Variants in SEPTIN9 observed in about 807,000 individuals in gnomAD.
SEPTIN9 encodes septin 9, also known as septin-9.
In SEPTIN9, 13 loss-of-function variants were observed where a neutral mutation model predicts 56.6. That is an observed-to-expected ratio of 0.23 (90% CI 0.15 to 0.37). The LOEUF (loss-of-function observed/expected upper bound fraction) is 0.37. Among genes scored for constraint, SEPTIN9 ranks in the 10% least tolerant of loss-of-function variants. The probability of loss-of-function intolerance (pLI) is 1.00; values close to 1 mark genes in which losing one functional copy is unlikely to be tolerated. For missense variants in SEPTIN9, 650 were observed against 823.1 expected, an observed-to-expected ratio of 0.79 and a Z score of 2.57; for synonymous variants, 332 against 334.1, an observed-to-expected ratio of 0.99 and a Z score of 0.07.
chr17:77,381,419 A>C, intron 2 of SEPTIN9, among the ~76,000 whole-genome samples: 1 of 138,232 alleles, frequency 7.2e-6, no homozygotes, highest in Admixed American at 7.1e-5. Context: ...CCCCCACCCC[A>C]TGTGCAGGAA....
intron 3 of SEPTIN9, among the ~76,000 whole-genome samples, chr17:77,415,863 G>A (rs922086645): frequency 2.6e-5 from 4 of 152,226 alleles, no homozygotes; most frequent in African/African-American, 9.6e-5. Context: ...CGAGGAGCGT[G>A]GGCAGGACAG....
chr17:77,337,146 A>C (rs1292202022), intron 2 of SEPTIN9, among the ~76,000 whole-genome samples: 1 of 151,982 alleles, frequency 6.6e-6, no homozygotes. Context: ...GACTATAGGC[A>C]CATGCCACCA....
At chr17:77,392,118 C>T (rs440375) in intron 2 of SEPTIN9, among the ~76,000 whole-genome samples, 44,510 of 152,044 alleles carry the variant, frequency 0.29, 7,588 homozygotes, top group East Asian at 0.63. Flanking sequence ...TGGCCTCAGC[C>T]GAAAATCCAA....
chr17:77,426,196 C>T (rs2036903616), intron 3 of SEPTIN9, among the ~76,000 whole-genome samples: 1 of 152,058 alleles, frequency 6.6e-6, no homozygotes, highest in Admixed American at 6.5e-5. Context: ...CCTCTGACCC[C>T]TGCTTGGGTA....
chr17:77,481,851 C>T lies in SEPTIN9; in HGVS notation c.722-293C>T, dbSNP rs951455107. The stretch of plus-strand genomic sequence containing the variant: ...CCCTGCCTTGGAGCGCAGGGGGCCC[C>T]CAGCTTGGCACAGCTCCTAGAAGAG... On this transcript the variant is annotated intron_variant, in intron 3 of 11. Transcript: ENST00000427177. 2.8e-5 allele frequency: 13 copies of T among 468,230 alleles called. No individual in the cohort carries two copies. The South Asian group carries it at 3.2e-4, about 11-fold the overall frequency. 29.0% of individuals were successfully genotyped at this position (468,230 alleles called of 1,614,324 possible).
At chr17:77,412,357 T>C (rs2036334770) in intron 3 of SEPTIN9, among the ~76,000 whole-genome samples, 1 of 152,182 alleles carries the variant, frequency 6.6e-6, no homozygotes, top group African/African-American at 2.4e-5. Flanking sequence ...CGAGAGGGAT[T>C]ATCTCTTCGT....
At chr17:77,497,694 G>A (rs1255646805) in intron 11 of SEPTIN9, 9 of 448,876 alleles carry the variant, frequency 2.0e-5, no homozygotes, top group African/African-American at 1.6e-4. Flanking sequence ...GGCCCTGCCG[G>A]CAGCGTGGGG....
chr17:77,466,032 A>G (rs1598418412), intron 3 of SEPTIN9, among the ~76,000 whole-genome samples: 1 of 149,038 alleles, frequency 6.7e-6, no homozygotes, highest in East Asian at 2.1e-4. Flanking sequence ...GGGAAGCTAT[A>G]AGTTACCATG....
Position 77,307,194 on chromosome 17 carries a change from C to A in SEPTIN9, c.73C>A (p.Pro25Thr). 6.2e-7 allele frequency: 1 copy of A among 1,613,688 alleles called. No homozygotes were observed. Among genetic ancestry groups the A allele is most frequent in the Non-Finnish European group, 8.5e-7 (1 of 1,179,760 alleles). The change falls in exon 2 of 12, where the codon CCA (proline) becomes ACA (threonine). Residue 25 changes from proline to threonine, a missense_variant. Pro to Thr is a conservative substitution (Grantham distance 38). This residue lies in a region of SEPTIN9 where 317 missense variants were observed against 329.1 expected (regional missense o/e 0.96). Coordinates refer to ENST00000427177, the MANE Select transcript of SEPTIN9 (RefSeq NM_001113491.2). ...RLRRLGDSSG[P>T]ALKRSFEVEE... is the part of the protein sequence containing the mutation. ...CCGGAGGCTTGGTGACTCCAGTGGC[C>A]CAGGTAGGTGGCTCGCTCCGCTCTG...
chr17:77,305,951 AT>A (rs2032245989), intron 1 of SEPTIN9, among the ~76,000 whole-genome samples: 1 of 80,036 alleles, frequency 1.2e-5, no homozygotes, highest in Non-Finnish European at 2.4e-5. Context: ...TGATGGGTGG[AT>A]GGGTTGATGG....
At position 77,327,327 on chromosome 17, in the gene SEPTIN9, GCACCC is replaced by G. The variant is rs1239946390; in HGVS notation, c.76+20132_76+20136del. Among the ~76,000 whole-genome samples, 5 of 152,092 alleles carry G rather than the reference GCACCC, an allele frequency of 3.3e-5. No individual in the cohort carries two copies. The highest frequency in any genetic ancestry group is 7.4e-5 in the Non-Finnish European group (5 of 68,004). On this transcript the variant is annotated intron_variant, in intron 2 of 11. Transcript: ENST00000427177. The surrounding 1 kb of genome is among the most constrained non-coding windows in gnomAD (Gnocchi z 5.0). ...CTTCCTGGCCCGTCTCTTGCTCTGGGCACCCCCCCACTCCGAACGGCCAGAGCTTC... is the reference window on the plus strand; with the variant it reads ...CTTCCTGGCCCGTCTCTTGCTCTGGGCCCCACTCCGAACGGCCAGAGCTTC...
intron 2 of SEPTIN9, among the ~76,000 whole-genome samples, chr17:77,391,321 G>C (rs751258204): frequency 2.6e-5 from 4 of 152,142 alleles, no homozygotes; most frequent in Non-Finnish European, 4.4e-5. Flanking sequence ...TGCTGTAACA[G>C]AGTGCCACAA....
intron 2 of SEPTIN9, among the ~76,000 whole-genome samples, chr17:77,378,675 T>C (rs541215591): frequency 3.3e-5 from 5 of 152,316 alleles, no homozygotes; most frequent in African/African-American, 1.2e-4. Context: ...CTAGTGCCAG[T>C]AGCGCCCGCC....
In SEPTIN9 at chr17:77,498,946, G is replaced by T. The variant is rs907753180; in HGVS notation, c.*288G>T. 3.6e-5 allele frequency: 20 copies of T among 555,266 alleles called. No homozygotes were observed. Among genetic ancestry groups the T allele is most frequent in the Non-Finnish European group, 3.8e-5 (11 of 289,806 alleles). 34.4% of individuals were successfully genotyped at this position (555,266 alleles called of 1,614,324 possible). On this transcript the variant is annotated 3_prime_UTR_variant, in exon 12 of 12. Transcript: ENST00000427177. ...TGTCCCCAGGCCTGGCTCCCCGAGGGCTCAGAAGAGCAGCTTCGGTGTGCA... is the reference window on the plus strand; with the variant it reads ...TGTCCCCAGGCCTGGCTCCCCGAGGTCTCAGAAGAGCAGCTTCGGTGTGCA...
At chr17:77,357,642 T>C (rs1291630365) in intron 2 of SEPTIN9, among the ~76,000 whole-genome samples, 1 of 152,080 alleles carries the variant, frequency 6.6e-6, no homozygotes, top group Non-Finnish European at 1.5e-5. Context: ...TGAGATGGGA[T>C]CTTGCTAGGT....
intron 2 of SEPTIN9, among the ~76,000 whole-genome samples, chr17:77,346,895 T>A (rs1275081426): frequency 1.3e-5 from 2 of 152,200 alleles, no homozygotes; most frequent in Non-Finnish European, 1.5e-5. Context: ...ATTAGTCCCT[T>A]CTGCCATGTG....
intron 2 of SEPTIN9, among the ~76,000 whole-genome samples, chr17:77,370,894 G>C (rs2034700349): frequency 6.6e-6 from 1 of 152,206 alleles, no homozygotes; most frequent in Non-Finnish European, 1.5e-5. Context: ...TATGATTAAA[G>C]GGCTAGAGAA....
chr17:77,489,339 G>A (rs1172400380), intron 7 of SEPTIN9, among the ~76,000 whole-genome samples: 2 of 152,204 alleles, frequency 1.3e-5, no homozygotes, highest in Admixed American at 6.5e-5. Flanking sequence ...GTTGGTGTTG[G>A]TGAGAGCCCT....
rs999583239 is a variant in SEPTIN9, at chr17:77,492,021, G to C, written c.1381-600G>C. Among the ~76,000 whole-genome samples, 5 of 152,058 alleles carry C rather than the reference G, an allele frequency of 3.3e-5. No homozygotes were observed. Among genetic ancestry groups the C allele is most frequent in the African/African-American group, 1.2e-4 (5 of 41,390 alleles). On this transcript the variant is annotated intron_variant, in intron 8 of 11. Coordinates refer to ENST00000427177, the MANE Select transcript of SEPTIN9 (RefSeq NM_001113491.2). This position sits in a 1 kb window ranked among gnomAD's most constrained non-coding sequence, Gnocchi z 5.4. ...TGGGCTGCGGCACCACATCTGCCTC[G>C]GTGGGTGTGGGTGGGGCCTGTAACC...
Sources: allele counts gnomAD v4.1 joint callset (sites outside exome capture counted in the v4.1 genomes callset), GRCh38; gene constraint gnomAD v4.1.1; regional missense constraint gnomAD v4.1.1; non-coding constraint Gnocchi (gnomAD v3.1); transcripts MANE v1.5; gene names NCBI Gene and HGNC (gene_info 2026-07-23, HGNC 2026-07-21).